The following LRMDA variants were observed in gnomAD, a reference collection of about 807,000 sequenced individuals.
LRMDA encodes the protein leucine rich melanocyte differentiation associated, also known as leucine-rich melanocyte differentiation-associated protein.
A neutral mutation model predicts 29.8 loss-of-function variants in LRMDA; 18 were observed. The ratio of observed to expected loss-of-function variants is 0.60; its 90% CI spans 0.42 to 0.90. The LOEUF (loss-of-function observed/expected upper bound fraction) is 0.90, where lower values mean the gene tolerates loss of function less well. LRMDA is among the 40% of genes least tolerant of loss of function. The pLI is 0.00. For missense variants in LRMDA, 273 were observed against 273.9 expected (o/e 1.00, Z 0.02); for synonymous variants, 125 against 109.4 (o/e 1.14, Z -0.89).
At chr10:75,984,694 A>G (rs1254823220) in intron 2 of LRMDA, among the ~76,000 whole-genome samples, 1 of 152,228 alleles carries the variant, frequency 6.6e-6, no homozygotes, top group African/African-American at 2.4e-5. Context: ...TTGCCCTTTC[A>G]TTGGCAATGC....
intron 2 of LRMDA, among the ~76,000 whole-genome samples, chr10:76,019,007 C>A (rs554504492): frequency 6.6e-6 from 1 of 152,310 alleles, no homozygotes; most frequent in African/African-American, 2.4e-5. Flanking sequence ...GGTAGGGTAA[C>A]TTTCATCACA....
At chr10:76,274,383 A>T (rs1840106051) in intron 5 of LRMDA, among the ~76,000 whole-genome samples, 1 of 152,210 alleles carries the variant, frequency 6.6e-6, no homozygotes, top group Non-Finnish European at 1.5e-5. Flanking sequence ...ATGCATATTC[A>T]TTTGAAAACC....
At chr10:75,835,921 C>CTGT (rs1176003420) in intron 2 of LRMDA, among the ~76,000 whole-genome samples, 1 of 152,178 alleles carries the variant, frequency 6.6e-6, no homozygotes, top group Non-Finnish European at 1.5e-5. Flanking sequence ...ACTTAGTTTA[C>CTGT]TGTTGTTGTT....
intron 6 of LRMDA, among the ~76,000 whole-genome samples, chr10:76,341,495 C>G (rs1343157260): frequency 6.6e-6 from 1 of 152,198 alleles, no homozygotes; most frequent in Non-Finnish European, 1.5e-5. Context: ...TTCAAGTCAA[C>G]ATAAACACTC....
chr10:75,764,621 A>G (rs186756207), intron 2 of LRMDA, among the ~76,000 whole-genome samples: 35 of 152,320 alleles, frequency 2.3e-4, no homozygotes, highest in African/African-American at 7.9e-4. Context: ...GATGTGTCAT[A>G]TATCAAAGGC....
intron 2 of LRMDA, among the ~76,000 whole-genome samples, chr10:75,942,249 G>A (rs1846404543): frequency 1.3e-5 from 2 of 152,260 alleles, no homozygotes; most frequent in South Asian, 4.1e-4. Context: ...GCTAAGTGGT[G>A]AGTATTCATT....
At chr10:75,448,122 C>T (rs966958008) in intron 2 of LRMDA, among the ~76,000 whole-genome samples, 1 of 152,190 alleles carries the variant, frequency 6.6e-6, no homozygotes, top group African/African-American at 2.4e-5. Context: ...CTGAGGTTCA[C>T]TTTCTTGAAT....
At chr10:75,493,348 G>GGGGTGTGTGTGTGT (rs1554894323) in intron 2 of LRMDA, among the ~76,000 whole-genome samples, 1 of 133,270 alleles carries the variant, frequency 7.5e-6, no homozygotes, top group African/African-American at 2.9e-5. Flanking sequence ...GTTGAGATTG[G>GGGGTGTGTGTGTGT]GTGTGTGTGT....
chr10:76,448,087 A>T (rs982303020), intron 6 of LRMDA, among the ~76,000 whole-genome samples: 5 of 152,200 alleles, frequency 3.3e-5, no homozygotes, highest in African/African-American at 1.2e-4. Flanking sequence ...ATGTTCATTA[A>T]CATCTTGAAA....
At chr10:76,231,219 T>C (rs982127246) in intron 5 of LRMDA, among the ~76,000 whole-genome samples, 1 of 152,226 alleles carries the variant, frequency 6.6e-6, no homozygotes, top group Admixed American at 6.5e-5. Flanking sequence ...TGCTGGTTTT[T>C]ATATTTGAGA....
chr10:75,984,088 G>A (rs1418212941), intron 2 of LRMDA, among the ~76,000 whole-genome samples: 1 of 152,218 alleles, frequency 6.6e-6, no homozygotes, highest in Non-Finnish European at 1.5e-5. Context: ...ACAAGGTCGT[G>A]TGAGAATGTC....
chr10:75,807,031 C>T (rs1486460663), intron 2 of LRMDA, among the ~76,000 whole-genome samples: 1 of 152,100 alleles, frequency 6.6e-6, no homozygotes, highest in Non-Finnish European at 1.5e-5. Flanking sequence ...ATTTAATTTT[C>T]CCCAGACTGC....
intron 6 of LRMDA, among the ~76,000 whole-genome samples, chr10:76,372,956 G>T (rs1321003264): frequency 6.6e-6 from 1 of 152,018 alleles, no homozygotes; most frequent in Non-Finnish European, 1.5e-5. Context: ...TTTAAAAAGG[G>T]TCCTTATCAA....
Position 76,499,140 on chromosome 10 carries a change from T to G in LRMDA, c.602-58069T>G, listed in dbSNP as rs1164427263. ...ATTCATTCACTTGAAGTATAACAGT[T>G]CAGAAGTTTTTAATATATTTACAGA... On this transcript the variant is annotated intron_variant, in intron 6 of 6. Transcript: ENST00000611255. Among the ~76,000 whole-genome samples the G allele has an allele frequency of 3.1e-4, 23 of 74,940 alleles. 10 individuals are homozygous for G. The highest frequency in any genetic ancestry group is 2.5e-4 in the Admixed American group (2 of 8,034). The allele number at this position is 74,940 out of a possible 152,430, so 49.2% of individuals were successfully genotyped here.
intron 2 of LRMDA, among the ~76,000 whole-genome samples, chr10:76,013,076 A>G (rs1213070759): frequency 6.6e-6 from 1 of 152,176 alleles, no homozygotes; most frequent in Non-Finnish European, 1.5e-5. Flanking sequence ...ATTAGTACTA[A>G]TTACCTCAGC....
chr10:75,758,439 C>G (rs1843058054), intron 2 of LRMDA, among the ~76,000 whole-genome samples: 1 of 152,222 alleles, frequency 6.6e-6, no homozygotes. Flanking sequence ...GTCATCTTAT[C>G]CCTCAGCCCC....
chr10:76,491,464 T>A (rs144738636), intron 6 of LRMDA, among the ~76,000 whole-genome samples: 245 of 151,894 alleles, frequency 1.6e-3, no homozygotes, highest in African/African-American at 5.8e-3. Context: ...AGCATAAAAG[T>A]TTTTTTTCCT....
chr10:75,664,465 A>T (rs1841795502), intron 2 of LRMDA, among the ~76,000 whole-genome samples: 1 of 152,176 alleles, frequency 6.6e-6, no homozygotes. Flanking sequence ...GGATTAACTC[A>T]TGTTCTAAAA....
intron 2 of LRMDA, among the ~76,000 whole-genome samples, chr10:75,783,540 A>T (rs568736120): frequency 1.3e-5 from 2 of 151,806 alleles, no homozygotes; most frequent in South Asian, 4.2e-4. Context: ...AGGATAGGGT[A>T]TCTACTACCT....
Sources: gnomAD v4.1 joint callset for allele counts (sites outside exome capture counted in the v4.1 genomes callset) on GRCh38, gnomAD v4.1.1 for gene constraint, MANE v1.5 for transcripts, NCBI Gene and HGNC (gene_info 2026-07-23, HGNC 2026-07-21) for gene names.